Variants in SAMD5 observed in about 807,000 individuals in gnomAD.
The protein encoded by SAMD5 is sterile alpha motif domain containing 5.
SAMD5 carries 13 observed loss-of-function variants against 11.3 expected under a neutral mutation model. The observed-to-expected ratio is 1.15, with a 90% CI of 0.75 to 1.83. The LOEUF is 1.83. Among genes scored for constraint, SAMD5 ranks in the 40% most tolerant of loss-of-function variants. The pLI is 0.00. For synonymous variants in SAMD5, 129 were observed against 111.3 expected (o/e 1.16, Z -1.00); for missense variants, 255 against 239.1 (o/e 1.07, Z -0.44).
chr6:147,927,990 C>T, the SAMD5 span, among the ~76,000 whole-genome samples: 1 of 152,156 alleles, frequency 6.6e-6, no homozygotes, highest in African/African-American at 2.4e-5. Context: ...GCGTGTTAAA[C>T]CAAACTTGCA....
chr6:147,538,623 A>G (rs754473319), intron 1 of SAMD5, among the ~76,000 whole-genome samples: 8 of 152,200 alleles, frequency 5.3e-5, no homozygotes, highest in Non-Finnish European at 7.3e-5. Flanking sequence ...GCTAGCGGGC[A>G]TAGCTCTTCG....
At chr6:147,826,845 G>T in the SAMD5 span, among the ~76,000 whole-genome samples, 66 of 152,270 alleles carry the variant, frequency 4.3e-4, no homozygotes, top group African/African-American at 1.5e-3. Context: ...CCGTGCTCTT[G>T]TTGTTGCAGG....
chr6:147,733,552 A>T (rs1791750818), intron 1 of SAMD5, among the ~76,000 whole-genome samples: 3 of 152,272 alleles, frequency 2.0e-5, no homozygotes, highest in Admixed American at 2.0e-4. Flanking sequence ...TCCAGTCAGG[A>T]CTTGAATCCA....
At chr6:147,785,362 C>G in the SAMD5 span, among the ~76,000 whole-genome samples, 1 of 152,156 alleles carries the variant, frequency 6.6e-6, no homozygotes, top group Non-Finnish European at 1.5e-5. Context: ...CTTTACCCAC[C>G]ACTGCCCCCA....
the SAMD5 span, among the ~76,000 whole-genome samples, chr6:147,784,902 T>C: frequency 1.3e-5 from 2 of 152,206 alleles, no homozygotes; most frequent in African/African-American, 4.8e-5. Flanking sequence ...GTGATAAAGA[T>C]AGTGAAAGCT....
the SAMD5 span, among the ~76,000 whole-genome samples, chr6:147,893,879 A>C: frequency 1.3e-5 from 2 of 152,188 alleles, no homozygotes; most frequent in Non-Finnish European, 2.9e-5. Flanking sequence ...GTAAGTTTGC[A>C]TAGACAGGTT....
chr6:147,737,180 G>T (rs1471953470), intron 1 of SAMD5: 3 of 295,056 alleles, frequency 1.0e-5, no homozygotes, highest in African/African-American at 4.3e-5. Flanking sequence ...TTTTTATCAG[G>T]TTTTTTTATA....
At chr6:147,884,241 G>A in the SAMD5 span, among the ~76,000 whole-genome samples, 1 of 152,102 alleles carries the variant, frequency 6.6e-6, no homozygotes, top group African/African-American at 2.4e-5. Context: ...CTCTAGGGAG[G>A]GCTGGCGCAT....
At chr6:147,573,742 A>T (rs1179937148), downstream of SAMD5, among the ~76,000 whole-genome samples, 1 of 152,238 alleles carries the variant, frequency 6.6e-6, no homozygotes. Flanking sequence ...ACTACATATC[A>T]GCTGGGCAGT....
chr6:147,899,133 T>C, the SAMD5 span, among the ~76,000 whole-genome samples: 1 of 129,314 alleles, frequency 7.7e-6, no homozygotes, highest in Non-Finnish European at 1.5e-5. Context: ...ATCGCGCCAC[T>C]GCACTCCAGC....
intron 1 of SAMD5, chr6:147,730,287 A>G (rs1791695625): frequency 8.5e-6 from 3 of 353,262 alleles, no homozygotes; most frequent in Non-Finnish European, 1.7e-5. Flanking sequence ...ACTTTGACTG[A>G]TGTGTTGAGG....
chr6:147,877,380 A>T, the SAMD5 span, among the ~76,000 whole-genome samples: 12 of 152,320 alleles, frequency 7.9e-5, no homozygotes, highest in South Asian at 2.5e-3. Context: ...TGATAAACTC[A>T]TTAATTCAAC....
chr6:147,779,456 C>G, the SAMD5 span, among the ~76,000 whole-genome samples: 1 of 151,880 alleles, frequency 6.6e-6, no homozygotes, highest in Admixed American at 6.6e-5. Context: ...CAAAACAATG[C>G]CCTGAGCAGC....
the SAMD5 span, among the ~76,000 whole-genome samples, chr6:147,751,782 C>T: frequency 6.6e-6 from 1 of 152,028 alleles, no homozygotes; most frequent in East Asian, 1.9e-4. Context: ...TTCTTAGGAC[C>T]TTTCTTTATT....
chr6:147,667,218 A>G (rs1790735361), intron 1 of SAMD5, among the ~76,000 whole-genome samples: 1 of 152,136 alleles, frequency 6.6e-6, no homozygotes, highest in Non-Finnish European at 1.5e-5. Context: ...GTTTTCCTAC[A>G]GTTTATTATT....
At position 147,565,596 on chromosome 6, in the gene SAMD5, T is replaced by C; in HGVS notation, c.*1140T>C. 2.4e-6 allele frequency: 1 copy of C among 421,758 alleles called. No individual in the cohort carries two copies. Among genetic ancestry groups the C allele is most frequent in the Non-Finnish European group, 3.2e-6 (1 of 315,132 alleles). 26.1% of individuals were successfully genotyped at this position (421,758 alleles called of 1,614,324 possible). On this transcript the variant is annotated 3_prime_UTR_variant, in exon 2 of 2. Coordinates refer to ENST00000367474, the MANE Select transcript of SAMD5 (RefSeq NM_001030060.3). ...GCCTCGGCCTCTTGGTAGCTGGGAT[T>C]ACAGGCACGCATCACCACACCCAGC...
At chr6:147,749,582 G>A in the SAMD5 span, among the ~76,000 whole-genome samples, 1 of 152,144 alleles carries the variant, frequency 6.6e-6, no homozygotes, top group South Asian at 2.1e-4. Context: ...GAATAAAGGA[G>A]TACGAATCAT....
the SAMD5 span, among the ~76,000 whole-genome samples, chr6:147,903,575 A>C: frequency 5.3e-5 from 8 of 152,188 alleles, no homozygotes; most frequent in Non-Finnish European, 8.8e-5. Flanking sequence ...TAGGAAGCTT[A>C]AGCAGATATT....
At chr6:147,945,096 A>T in the SAMD5 span, among the ~76,000 whole-genome samples, 1 of 152,234 alleles carries the variant, frequency 6.6e-6, no homozygotes, top group Non-Finnish European at 1.5e-5. Flanking sequence ...AATGTCCCAC[A>T]GCTCCAACTC....
Sources: allele counts gnomAD v4.1 joint callset (sites outside exome capture counted in the v4.1 genomes callset), GRCh38; gene constraint gnomAD v4.1.1; transcripts MANE v1.5; gene names NCBI Gene and HGNC (gene_info 2026-07-23, HGNC 2026-07-21).